ZBTB7C: variants seen among roughly 807,000 people sequenced by gnomAD.
The protein encoded by ZBTB7C is zinc finger and BTB domain-containing protein 7C.
A neutral mutation model predicts 25.7 loss-of-function variants in ZBTB7C; 8 were observed. The observed-to-expected ratio is 0.31, with a 90% confidence interval of 0.18 to 0.56. ZBTB7C has a LOEUF of 0.56. Among genes scored for constraint, ZBTB7C ranks in the 20% least tolerant of loss-of-function variants. The probability of loss-of-function intolerance (pLI) is 0.91; values close to 1 mark genes in which losing one functional copy is unlikely to be tolerated. For missense variants in ZBTB7C, 824 were observed against 855.2 expected (o/e 0.96, Z 0.46); for synonymous variants, 394 against 369.0 (o/e 1.07, Z -0.78).
At chr18:48,306,066 A>T (rs2045666925) in intron 2 of ZBTB7C, among the ~76,000 whole-genome samples, 1 of 152,250 alleles carries the variant, frequency 6.6e-6, no homozygotes, top group African/African-American at 2.4e-5. Flanking sequence ...TCTGTGAACA[A>T]ACATTAGTTC....
chr18:48,092,023 C>G (rs1047495418), intron 3 of ZBTB7C, among the ~76,000 whole-genome samples: 8 of 152,144 alleles, frequency 5.3e-5, no homozygotes, highest in Non-Finnish European at 1.0e-4. Flanking sequence ...ATCATAGAAT[C>G]TGTGGCAGCA....
chr18:48,332,644 T>G (rs1231781025), intron 2 of ZBTB7C, among the ~76,000 whole-genome samples: 1 of 151,770 alleles, frequency 6.6e-6, no homozygotes, highest in East Asian at 1.9e-4. Flanking sequence ...TCCTAGTCTG[T>G]TTTTTGGTGA....
intron 2 of ZBTB7C, among the ~76,000 whole-genome samples, chr18:48,254,665 A>G (rs1361449242): frequency 6.6e-6 from 1 of 152,086 alleles, no homozygotes; most frequent in African/African-American, 2.4e-5. Context: ...AGACAACAAT[A>G]CAGCTTCCAC....
intron 1 of ZBTB7C, among the ~76,000 whole-genome samples, chr18:48,367,240 C>CAT (rs1452148918): frequency 0.13 from 6,968 of 55,166 alleles, 415 homozygotes; most frequent in Non-Finnish European, 0.2. Flanking sequence ...CACATACATA[C>CAT]ACACACACAC....
chr18:48,254,495 T>C (rs1016476324), intron 2 of ZBTB7C, among the ~76,000 whole-genome samples: 3 of 152,208 alleles, frequency 2.0e-5, no homozygotes, highest in Non-Finnish European at 2.9e-5. Flanking sequence ...GCCTATAAAA[T>C]CTGCTGCAGT....
At chr18:48,306,357 TTG>T (rs2045673672) in intron 2 of ZBTB7C, among the ~76,000 whole-genome samples, 1 of 152,310 alleles carries the variant, frequency 6.6e-6, no homozygotes, top group South Asian at 2.1e-4. Flanking sequence ...TTGCTACCTT[TTG>T]TGTGTGTCTG....
intron 4 of ZBTB7C, among the ~76,000 whole-genome samples, chr18:48,033,576 A>C (rs910753435): frequency 6.6e-6 from 1 of 152,228 alleles, no homozygotes; most frequent in Admixed American, 6.5e-5. Flanking sequence ...GGCAAAGCTC[A>C]TGATAAGCCA....
intron 1 of ZBTB7C, among the ~76,000 whole-genome samples, chr18:48,406,989 T>C (rs2048297924): frequency 6.6e-6 from 1 of 152,256 alleles, no homozygotes; most frequent in Non-Finnish European, 1.5e-5. Context: ...AACTCGTAGT[T>C]CTTTTTTAAT....
At chr18:48,219,283 G>A (rs1272395224) in intron 2 of ZBTB7C, among the ~76,000 whole-genome samples, 1 of 152,140 alleles carries the variant, frequency 6.6e-6, no homozygotes, top group Non-Finnish European at 1.5e-5. Flanking sequence ...GCCCTCCCAG[G>A]CACTGCCCTG....
upstream of ZBTB7C, among the ~76,000 whole-genome samples, chr18:48,411,363 G>A (rs1044664012): frequency 6.6e-6 from 1 of 152,194 alleles, no homozygotes; most frequent in African/African-American, 2.4e-5. Flanking sequence ...TTCAGGCTCA[G>A]GATGTCAGAT....
intron 2 of ZBTB7C, among the ~76,000 whole-genome samples, chr18:48,266,458 C>T (rs1348100278): frequency 2.0e-5 from 3 of 152,152 alleles, no homozygotes; most frequent in African/African-American, 4.8e-5. Flanking sequence ...AATGAGGGTG[C>T]CAAATAACCT....
intron 2 of ZBTB7C, among the ~76,000 whole-genome samples, chr18:48,319,842 G>T (rs2046046989): frequency 6.6e-6 from 1 of 152,110 alleles, no homozygotes; most frequent in Non-Finnish European, 1.5e-5. Context: ...TAAAGAGACT[G>T]TCACATGCCA....
At chr18:48,380,007 A>T (rs1196460694) in intron 1 of ZBTB7C, among the ~76,000 whole-genome samples, 1 of 152,238 alleles carries the variant, frequency 6.6e-6, no homozygotes, top group Non-Finnish European at 1.5e-5. Context: ...ACAGAGAATA[A>T]GCATTTGTCA....
upstream of ZBTB7C, among the ~76,000 whole-genome samples, chr18:48,411,195 G>A (rs545045980): frequency 1.3e-5 from 2 of 152,234 alleles, no homozygotes; most frequent in South Asian, 4.1e-4. Flanking sequence ...TGAAACGTAG[G>A]GTTTGGGTAC....
intron 3 of ZBTB7C, among the ~76,000 whole-genome samples, chr18:48,063,637 T>C (rs1257218644): frequency 1.3e-5 from 2 of 152,206 alleles, no homozygotes; most frequent in Admixed American, 6.5e-5. Context: ...AATAAAAGAA[T>C]GGCCAATTGC....
chr18:48,077,307 A>T (rs1183747506), intron 3 of ZBTB7C, among the ~76,000 whole-genome samples: 2 of 152,184 alleles, frequency 1.3e-5, no homozygotes, highest in Non-Finnish European at 2.9e-5. Flanking sequence ...AGACACACAC[A>T]CACAAAGGTA....
Position 48,029,729 on chromosome 18 carries a change from T to C in ZBTB7C, c.1391A>G (p.His464Arg). The change falls in exon 5 of 5, where the codon CAC becomes CGC. Residue 464 changes from histidine to arginine, a missense_variant. His to Arg is a conservative substitution (Grantham distance 29, BLOSUM62 0). This residue lies in a region of ZBTB7C where 342 missense variants were observed against 307.0 expected (regional missense o/e 1.11). Transcript: ENST00000590800. ...GCAGCTCTGGCGCTTGATGTGGCGG[T>C]GCAGGTGGTCAGAGCGCGTGAAGCT... Reference protein sequence around the residue: ...YKSFTRSDHLHRHIKRQSCRM... With the variant: ...YKSFTRSDHLRRHIKRQSCRM... The C allele has an allele frequency of 6.2e-7, 1 of 1,601,498 alleles. No individual in the cohort carries two copies.
intron 3 of ZBTB7C, among the ~76,000 whole-genome samples, chr18:48,105,512 G>C (rs181924627): frequency 6.1e-4 from 92 of 151,246 alleles, no homozygotes; most frequent in Non-Finnish European, 1.1e-3. Context: ...GCCTCCCAGT[G>C]GTGGGACAAT....
At chr18:48,095,043 A>G (rs953855207) in intron 3 of ZBTB7C, among the ~76,000 whole-genome samples, 11 of 152,294 alleles carry the variant, frequency 7.2e-5, no homozygotes, top group Admixed American at 5.9e-4. Context: ...ACTCTGGGGC[A>G]GCTGAATTTG....
Sources: allele counts gnomAD v4.1 joint callset (sites outside exome capture counted in the v4.1 genomes callset), GRCh38; gene constraint gnomAD v4.1.1; regional missense constraint gnomAD v4.1.1; transcripts MANE v1.5; gene names NCBI Gene and HGNC (gene_info 2026-07-23, HGNC 2026-07-21).